Variants in MIPOL1 observed in about 807,000 individuals in gnomAD.
MIPOL1 encodes the protein mirror-image polydactyly 1.
MIPOL1 carries 57 observed loss-of-function variants against 60.9 expected under a neutral mutation model. The observed-to-expected ratio is 0.94, with a 90% CI of 0.76 to 1.17. The LOEUF (loss-of-function observed/expected upper bound fraction) is 1.17. Among genes scored for constraint, MIPOL1 ranks in the 50% most tolerant of loss-of-function variants. The pLI is 0.00. For synonymous variants in MIPOL1, 179 were observed against 168.8 expected, an observed-to-expected ratio of 1.06 and a Z score of -0.47; for missense variants, 551 against 511.6, an observed-to-expected ratio of 1.08 and a Z score of -0.74.
rs778598896 is a variant in MIPOL1, at chr14:37,268,763, A to G, written c.357A>G (p.Glu119=). Residue 119 remains glutamate, a synonymous_variant, in exon 5 of 13, where the codon GAA becomes GAG. Transcript: ENST00000684589. The part of the protein sequence containing the change: ...KEKTIAFLLK[E]LDILRTSNKK... ...AGACAATAGCATTTCTTCTAAAAGA[A>G]TTGGATATTCTCAGAACAAGCAATA... 9.4e-6 allele frequency: 15 copies of G among 1,594,418 alleles called. No homozygotes were observed. The highest frequency in any genetic ancestry group is 6.9e-5 in the Admixed American group (4 of 57,662).
chr14:37,208,752 C>T (rs2139250674), intron 1 of MIPOL1, among the ~76,000 whole-genome samples: 1 of 152,234 alleles, frequency 6.6e-6, no homozygotes, highest in African/African-American at 2.4e-5. Flanking sequence ...TTCCACCATG[C>T]CCGGCTAATT....
chr14:37,281,540 G>A (rs1261967079), intron 6 of MIPOL1, among the ~76,000 whole-genome samples: 1 of 152,162 alleles, frequency 6.6e-6, no homozygotes, highest in African/African-American at 2.4e-5. Flanking sequence ...GAGTAGCTGG[G>A]ATTACTGGCA....
chr14:37,274,818 A>C (rs1222236979), intron 6 of MIPOL1, among the ~76,000 whole-genome samples: 2 of 151,342 alleles, frequency 1.3e-5, no homozygotes, highest in Non-Finnish European at 3.0e-5. Context: ...AATTATGATG[A>C]TAAGATGATG....
intron 12 of MIPOL1, among the ~76,000 whole-genome samples, chr14:37,511,066 T>C (rs2095324268): frequency 6.6e-6 from 1 of 152,214 alleles, no homozygotes; most frequent in South Asian, 2.1e-4. Flanking sequence ...AATTATAAAT[T>C]TATTTTCTTC....
At chr14:37,225,896 T>C (rs549477376) in intron 1 of MIPOL1, among the ~76,000 whole-genome samples, 1 of 152,252 alleles carries the variant, frequency 6.6e-6, no homozygotes, top group Non-Finnish European at 1.5e-5. Context: ...TGCTTTGCTG[T>C]TGAGAAATTT....
At chr14:37,508,000 A>G (rs2095294806) in intron 12 of MIPOL1, among the ~76,000 whole-genome samples, 1 of 152,122 alleles carries the variant, frequency 6.6e-6, no homozygotes, top group Non-Finnish European at 1.5e-5. Context: ...ACTGTATTTC[A>G]TATTTAATTG....
chr14:37,404,255 A>G (rs1238208711), intron 10 of MIPOL1, among the ~76,000 whole-genome samples: 1 of 152,148 alleles, frequency 6.6e-6, no homozygotes, highest in East Asian at 1.9e-4. Flanking sequence ...CTGCAATGAA[A>G]TAAATTCTTT....
chr14:37,348,367 C>T (rs2091094775), intron 9 of MIPOL1, among the ~76,000 whole-genome samples: 1 of 151,898 alleles, frequency 6.6e-6, no homozygotes, highest in Non-Finnish European at 1.5e-5. Flanking sequence ...TATATATGGT[C>T]CCAGAGAATA....
intron 9 of MIPOL1, among the ~76,000 whole-genome samples, chr14:37,360,033 C>A (rs1042650946): frequency 5.3e-5 from 8 of 152,040 alleles, no homozygotes; most frequent in Admixed American, 2.6e-4. Context: ...GCATGAAGGG[C>A]TGTTGAATTT....
chr14:37,289,511 G>A (rs2084867139), intron 7 of MIPOL1, among the ~76,000 whole-genome samples: 1 of 152,186 alleles, frequency 6.6e-6, no homozygotes, highest in Non-Finnish European at 1.5e-5. Context: ...GCAGCTCACA[G>A]AACTCAGGGA....
intron 11 of MIPOL1, among the ~76,000 whole-genome samples, chr14:37,430,036 T>A (rs1304221770): frequency 6.6e-6 from 1 of 152,148 alleles, no homozygotes; most frequent in Non-Finnish European, 1.5e-5. Context: ...TATATTCTAA[T>A]CAGTAGTGTC....
Position 37,540,432 on chromosome 14 carries a change from T to C in MIPOL1, c.1263-6473T>C, listed in dbSNP as rs186162762. The stretch of plus-strand genomic sequence containing the variant: ...GTCTGTATATATTCATAAATATGTC[T>C]GCATATGTACATTTTTATATCTATC... On this transcript the variant is annotated intron_variant, in intron 12 of 12. Coordinates refer to ENST00000684589, the MANE Select transcript of MIPOL1 (RefSeq NM_001388067.1). 5.7e-3 allele frequency among the ~76,000 whole-genome samples: 868 copies of C among 152,352 alleles called. 11 individuals carry two copies. The highest frequency in any genetic ancestry group is 0.018 in the African/African-American group (748 of 41,586).
chr14:37,356,674 G>A (rs377084512), intron 9 of MIPOL1, among the ~76,000 whole-genome samples: 1 of 152,172 alleles, frequency 6.6e-6, no homozygotes, highest in Non-Finnish European at 1.5e-5. Flanking sequence ...GATTTTCCAG[G>A]TGCCGTCCGT....
chr14:37,342,354 C>T (rs2090629716), intron 9 of MIPOL1, among the ~76,000 whole-genome samples: 1 of 150,698 alleles, frequency 6.6e-6, no homozygotes, highest in Non-Finnish European at 1.5e-5. Context: ...GAGTGAGACT[C>T]TGTCTAAAAA....
At chr14:37,303,994 G>T (rs1370508585) in intron 7 of MIPOL1, among the ~76,000 whole-genome samples, 1 of 151,702 alleles carries the variant, frequency 6.6e-6, no homozygotes, top group Non-Finnish European at 1.5e-5. Context: ...GTATCAGATG[G>T]TTCTATGAGG....
intron 1 of MIPOL1, among the ~76,000 whole-genome samples, chr14:37,218,586 C>G (rs571523044): frequency 6.6e-6 from 1 of 152,148 alleles, no homozygotes; most frequent in South Asian, 2.1e-4. Context: ...ATTGTGTATT[C>G]TGCCATTGTT....
chr14:37,438,796 T>C (rs984220517), intron 11 of MIPOL1, among the ~76,000 whole-genome samples: 1 of 152,232 alleles, frequency 6.6e-6, no homozygotes, highest in Admixed American at 6.5e-5. Context: ...TTGATTTTTT[T>C]TGAACCTTTA....
chr14:37,346,479 G>A (rs527288644), intron 9 of MIPOL1, among the ~76,000 whole-genome samples: 1 of 151,990 alleles, frequency 6.6e-6, no homozygotes, highest in Non-Finnish European at 1.5e-5. Context: ...GTGTAAAACA[G>A]CTTTATTATT....
At chr14:37,322,569 T>C (rs2088693252) in intron 9 of MIPOL1, among the ~76,000 whole-genome samples, 1 of 151,972 alleles carries the variant, frequency 6.6e-6, no homozygotes, top group Non-Finnish European at 1.5e-5. Context: ...GAAGTAGACC[T>C]AGATTTTCTT....
Sources: gnomAD v4.1 joint callset for allele counts (sites outside exome capture counted in the v4.1 genomes callset) on GRCh38, gnomAD v4.1.1 for gene constraint, MANE v1.5 for transcripts, NCBI Gene and HGNC (gene_info 2026-07-23, HGNC 2026-07-21) for gene names.